Variants in IL17REL observed in about 807,000 individuals in gnomAD.
IL17REL encodes the protein interleukin-17 receptor E-like protein.
In IL17REL, 36 loss-of-function variants were observed where a neutral mutation model predicts 49.0. That is an observed-to-expected ratio of 0.73 (90% CI 0.56 to 0.97). IL17REL has a LOEUF of 0.97. Among genes scored for constraint, IL17REL ranks in the 50% least tolerant of loss-of-function variants. IL17REL has a pLI of 0.00. For missense variants in IL17REL, 470 were observed against 453.9 expected, an observed-to-expected ratio of 1.04 and a Z score of -0.32; for synonymous variants, 206 against 192.4, an observed-to-expected ratio of 1.07 and a Z score of -0.58.
At chr22:50,003,832 T>C (rs1307997878) in intron 1 of IL17REL, among the ~76,000 whole-genome samples, 1 of 152,180 alleles carries the variant, frequency 6.6e-6, no homozygotes, top group Non-Finnish European at 1.5e-5. Flanking sequence ...ATCCCTGCTC[T>C]TCTCACTTCG....
At chr22:50,006,655 T>A (rs192790294) in intron 1 of IL17REL, among the ~76,000 whole-genome samples, 1 of 152,086 alleles carries the variant, frequency 6.6e-6, no homozygotes, top group African/African-American at 2.4e-5. Context: ...AACGGGTGAT[T>A]TTTAAGAGCA....
intron 1 of IL17REL, among the ~76,000 whole-genome samples, chr22:50,005,254 C>T (rs553156959): frequency 2.3e-4 from 35 of 152,234 alleles, no homozygotes; most frequent in Non-Finnish European, 3.8e-4. Flanking sequence ...TGTGAAACTA[C>T]AATTCATCAT....
At chr22:50,005,607 G>A (rs1416304456) in intron 1 of IL17REL, among the ~76,000 whole-genome samples, 2 of 152,052 alleles carry the variant, frequency 1.3e-5, no homozygotes, top group African/African-American at 4.8e-5. Flanking sequence ...TTCGAGACCA[G>A]CCTGGCCAAC....
chr22:50,004,929 G>T (rs2061100630), intron 1 of IL17REL, among the ~76,000 whole-genome samples: 1 of 106,052 alleles, frequency 9.4e-6, no homozygotes, highest in African/African-American at 3.7e-5. Context: ...AAAAGACAAA[G>T]ACTTATTCCA....
chr22:50,008,829 A>G (rs2061123696), upstream of IL17REL: 1 of 152,568 alleles, frequency 6.6e-6, no homozygotes, highest in African/African-American at 2.4e-5. Context: ...GCGGTCACTT[A>G]GTAAACAGTG....
At chr22:49,993,676 A>C (rs6010253), downstream of IL17REL, among the ~76,000 whole-genome samples, 326 of 152,238 alleles carry the variant, frequency 2.1e-3, 4 homozygotes, top group African/African-American at 7.6e-3. The surrounding 1 kb of genome is among the most constrained non-coding windows in gnomAD (Gnocchi z 6.0). Flanking sequence ...CTGCAGAAGA[A>C]AAGACTCAGT....
chr22:49,998,212 C>A, exon 8 of IL17REL: 3 of 1,612,458 alleles, frequency 1.9e-6, no homozygotes, highest in Non-Finnish European at 2.5e-6. Flanking sequence ...AGCACAGGCT[C>A]ACATGGCCAC....
intron 5 of IL17REL, 34 bp from the exon 8 acceptor site, chr22:49,999,536 C>T (rs1233074591): frequency 3.7e-6 from 3 of 815,342 alleles, no homozygotes; most frequent in African/African-American, 3.6e-5. Context: ...AGGGGCCGCG[C>T]GGGAGGGCGG....
chr22:49,997,559 C>T (rs909050881), intron 10 of IL17REL, 76 bp from the exon 13 acceptor site: 34 of 1,330,860 alleles, frequency 2.6e-5, no homozygotes, highest in South Asian at 2.2e-4. Context: ...GTGGGCCTGG[C>T]GCCTGCCCAC....
At chr22:49,999,244 C>A (rs1035004146) in intron 7 of IL17REL, 47 bp downstream of exon 9, 3 of 1,606,766 alleles carry the variant, frequency 1.9e-6, no homozygotes, top group South Asian at 2.2e-5. Context: ...TCAGACTGGC[C>A]GCAGCCATTC....
chr22:50,000,035 C>G, intron 4 of IL17REL, 68 bp from the exon 7 acceptor site: 2 of 1,388,214 alleles, frequency 1.4e-6, no homozygotes, highest in South Asian at 1.6e-5. Context: ...CTGTCTGTCC[C>G]GAGAGCCCCG....
At position 50,000,661 on chromosome 22, in the gene IL17REL, T is replaced by C. The variant is rs911834416; in HGVS notation, c.220-69A>G. ...CCCACCCCACCCGGCCAGCTCCACT[T>C]GCATGGCTGGAGCTTAGAGCCAGGG... On this transcript the variant is annotated intron_variant, in intron 3 of 12. Coordinates refer to ENST00000341280, the Ensembl canonical transcript of IL17REL. 2.3e-5 allele frequency: 36 copies of C among 1,546,700 alleles called. No homozygotes were observed. The Admixed American group carries it at 5.4e-4, about 23-fold the overall frequency.
intron 1 of IL17REL, among the ~76,000 whole-genome samples, chr22:50,003,944 T>C (rs1487226796): frequency 6.6e-6 from 1 of 152,250 alleles, no homozygotes; most frequent in Non-Finnish European, 1.5e-5. Context: ...CCCTTGTAGA[T>C]GACATGATTG....
At chr22:49,999,117 T>C (rs934030903) in intron 7 of IL17REL, among the ~76,000 whole-genome samples, 174 bp downstream of exon 9, 9 of 151,748 alleles carry the variant, frequency 5.9e-5, no homozygotes, top group Non-Finnish European at 1.0e-4. Flanking sequence ...CACACACTTA[T>C]GCACATCCAC....
upstream of IL17REL, among the ~76,000 whole-genome samples, chr22:50,010,604 G>A (rs570660054): frequency 1.4e-4 from 21 of 152,352 alleles, 1 homozygote; most frequent in Admixed American, 5.9e-4. Context: ...CTCGGAGGCC[G>A]GGGTGGGCTG....
upstream of IL17REL, among the ~76,000 whole-genome samples, chr22:50,009,239 G>A (rs977500849): frequency 1.6e-4 from 24 of 152,052 alleles, no homozygotes; most frequent in Admixed American, 5.2e-4. Context: ...GGGGCATGCC[G>A]TGCAGTGAAC....
intron 11 of IL17REL, 23 bp downstream of exon 13, chr22:49,997,297 G>A: frequency 5.6e-6 from 9 of 1,605,848 alleles, no homozygotes; most frequent in South Asian, 2.2e-5. Flanking sequence ...TCCCCAGGAT[G>A]GAGCCCCACT....
At chr22:50,010,416 G>A (rs1003988214), upstream of IL17REL, among the ~76,000 whole-genome samples, 1 of 152,252 alleles carries the variant, frequency 6.6e-6, no homozygotes, top group African/African-American at 2.4e-5. Flanking sequence ...GGCACAGAGG[G>A]AGCGGCGGAG....
At chr22:50,000,453 G>C (rs2061071038) in intron 4 of IL17REL, 25 bp downstream of exon 5, 2 of 1,555,038 alleles carry the variant, frequency 1.3e-6, no homozygotes, top group East Asian at 2.2e-5. Flanking sequence ...CGGTAGCTGT[G>C]CTCAGGGGGC....
Sources: gnomAD v4.1 joint callset for allele counts (sites outside exome capture counted in the v4.1 genomes callset) on GRCh38, gnomAD v4.1.1 for gene constraint, Gnocchi (gnomAD v3.1) non-coding constraint, MANE v1.5 for transcripts, NCBI Gene and HGNC (gene_info 2026-07-23, HGNC 2026-07-21) for gene names.